The following C11orf65 variants were observed in gnomAD, a reference collection of about 807,000 sequenced individuals.
C11orf65 encodes chromosome 11 open reading frame 65, also known as protein MFI.
Under a neutral mutation model 35.3 loss-of-function variants are expected in C11orf65, and 38 were observed. The ratio of observed to expected loss-of-function variants is 1.08; its 90% CI spans 0.83 to 1.41. The LOEUF (loss-of-function observed/expected upper bound fraction) is 1.41. Among genes scored for constraint, C11orf65 ranks in the 40% most tolerant of loss-of-function variants. C11orf65 has a pLI of 0.00. For missense variants in C11orf65, 370 were observed against 367.1 expected, an observed-to-expected ratio of 1.01 and a Z score of -0.06; for synonymous variants, 105 against 114.4, an observed-to-expected ratio of 0.92 and a Z score of 0.53.
rs537874269 is a variant in C11orf65, at chr11:108,463,276, A to G, written c.-9-1708T>C. On this transcript the variant is annotated intron_variant, in intron 1 of 8. Coordinates refer to ENST00000393084, the MANE Select transcript of C11orf65 (RefSeq NM_152587.5). ...CAGAGGCTAAACAGAAAACTTTCAA[A>G]AAGGATACGCCATTCATAAGAAAAA... Among the ~76,000 whole-genome samples the G allele has an allele frequency of 2.0e-5, 3 of 152,362 alleles. No homozygotes were observed. In the South Asian group the frequency reaches 6.2e-4, roughly 32 times the overall value.
intron 6 of C11orf65, among the ~76,000 whole-genome samples, chr11:108,309,658 A>T (rs1015983320): frequency 6.6e-6 from 1 of 152,200 alleles, no homozygotes; most frequent in Non-Finnish European, 1.5e-5. Context: ...ACCTATTAAC[A>T]CAGTGGAAGA....
intron 3 of C11orf65, among the ~76,000 whole-genome samples, chr11:108,425,600 C>CT (rs1371884215): frequency 6.6e-6 from 1 of 152,168 alleles, no homozygotes; most frequent in Non-Finnish European, 1.5e-5. Context: ...CCTTCTGAAA[C>CT]TATTCCAAAC....
At chr11:108,467,745 T>G (rs920225657), upstream of C11orf65, among the ~76,000 whole-genome samples, 2 of 152,186 alleles carry the variant, frequency 1.3e-5, no homozygotes, top group South Asian at 2.1e-4. Context: ...GAAGTTGGGC[T>G]TAGTATATAA....
chr11:108,417,400 C>T (rs1417316495), intron 3 of C11orf65, among the ~76,000 whole-genome samples: 1 of 151,848 alleles, frequency 6.6e-6, no homozygotes, highest in Non-Finnish European at 1.5e-5. Flanking sequence ...AAAAATTAGC[C>T]GGGCGTGGTG....
intron 6 of C11orf65, among the ~76,000 whole-genome samples, chr11:108,319,598 CTG>C (rs1331503830): frequency 1.3e-5 from 2 of 152,144 alleles, no homozygotes; most frequent in African/African-American, 4.8e-5. Flanking sequence ...TATTTATTGT[CTG>C]TTCCTCCAAA....
At chr11:108,412,271 A>G (rs1451352130) in intron 3 of C11orf65, among the ~76,000 whole-genome samples, 1 of 152,160 alleles carries the variant, frequency 6.6e-6, no homozygotes, top group Non-Finnish European at 1.5e-5. Flanking sequence ...AAAATGCTCA[A>G]TTAAAACCAG....
intron 1 of C11orf65, among the ~76,000 whole-genome samples, chr11:108,467,215 C>G (rs900242397): frequency 2.0e-5 from 3 of 151,998 alleles, no homozygotes; most frequent in Non-Finnish European, 4.4e-5. Flanking sequence ...TCAACCAGCC[C>G]GACGCAACTT....
rs750385518 is a variant in C11orf65, at chr11:108,326,102, T to C, written c.641-17031A>G. ...TTCAAATTAAACAGTACAATTCAGT[T>C]AGCTGTGGAGTCTCTGAGTGGCAGC... On this transcript the variant is annotated intron_variant, in intron 6 of 6. Transcript: ENST00000525729. 6.2e-7 allele frequency: 1 copy of C among 1,614,174 alleles called. No individual in the cohort carries two copies. Among genetic ancestry groups the C allele is most frequent in the Non-Finnish European group, 8.5e-7 (1 of 1,180,014 alleles).
chr11:108,360,102 G>T (rs2090528863), intron 2 of C11orf65, among the ~76,000 whole-genome samples: 1 of 151,364 alleles, frequency 6.6e-6, no homozygotes, highest in South Asian at 2.1e-4. Flanking sequence ...AATAAAAAAT[G>T]ATAAAGGGGA....
At chr11:108,336,010 C>T (rs1462412464) in intron 2 of C11orf65, 1 of 1,450,748 alleles carries the variant, frequency 6.9e-7, no homozygotes, top group African/African-American at 1.4e-5. Context: ...TAAAAGATGC[C>T]ATTTGGTTGG....
intron 2 of C11orf65, among the ~76,000 whole-genome samples, chr11:108,343,944 C>A (rs1023214662): frequency 2.0e-5 from 3 of 152,122 alleles, no homozygotes; most frequent in Admixed American, 1.3e-4. Flanking sequence ...TTCTGTCTAC[C>A]AGGTACTGTG....
intron 8 of C11orf65, among the ~76,000 whole-genome samples, chr11:108,383,697 A>G (rs2091917271): frequency 6.6e-6 from 1 of 152,130 alleles, no homozygotes; most frequent in Non-Finnish European, 1.5e-5. Context: ...GACACACATT[A>G]TCCTCTTCTC....
At chr11:108,371,367 C>T (rs2091569852) in intron 2 of C11orf65, among the ~76,000 whole-genome samples, 1 of 152,186 alleles carries the variant, frequency 6.6e-6, no homozygotes, top group South Asian at 2.1e-4. Context: ...ATTCTATACC[C>T]ATTAAACAAC....
At chr11:108,331,296 G>T (rs1208638231), downstream of C11orf65, 2 of 1,402,202 alleles carry the variant, frequency 1.4e-6, no homozygotes, top group African/African-American at 1.5e-5. Flanking sequence ...GATAAGAAAA[G>T]AAATGAAGGA....
At chr11:108,450,629 T>TG (rs887900557) in intron 2 of C11orf65, among the ~76,000 whole-genome samples, 2 of 53,276 alleles carry the variant, frequency 3.8e-5, no homozygotes, top group Admixed American at 6.4e-4. Flanking sequence ...TGTTGTGGGG[T>TG]GGGGGGAGGG....
At chr11:108,360,153 G>C (rs2090541231) in intron 2 of C11orf65, among the ~76,000 whole-genome samples, 1 of 150,426 alleles carries the variant, frequency 6.6e-6, no homozygotes, top group African/African-American at 2.4e-5. Context: ...TACCATCAGA[G>C]AATACTACAA....
At chr11:108,392,135 C>T (rs543465646) in intron 7 of C11orf65, among the ~76,000 whole-genome samples, 5 of 152,160 alleles carry the variant, frequency 3.3e-5, no homozygotes, top group Middle Eastern at 3.4e-3. Flanking sequence ...ACAGCATCTA[C>T]GTCCTGGCTC....
chr11:108,468,851 C>T (rs937906755), upstream of C11orf65, among the ~76,000 whole-genome samples: 3 of 152,036 alleles, frequency 2.0e-5, no homozygotes, highest in African/African-American at 7.2e-5. Flanking sequence ...CACCTGTAAT[C>T]CCAGCACTTT....
chr11:108,389,328 G>A (rs2092091035), intron 7 of C11orf65, among the ~76,000 whole-genome samples: 1 of 152,156 alleles, frequency 6.6e-6, no homozygotes, highest in Non-Finnish European at 1.5e-5. Flanking sequence ...GTTAGCTAGG[G>A]GAAGGCCTTT....
Sources: allele counts gnomAD v4.1 joint callset (sites outside exome capture counted in the v4.1 genomes callset), GRCh38; gene constraint gnomAD v4.1.1; transcripts MANE v1.5; gene names NCBI Gene and HGNC (gene_info 2026-07-23, HGNC 2026-07-21).